The following SMAD5 variants were observed in gnomAD, a reference collection of about 807,000 sequenced individuals.
SMAD5 encodes the protein MAD, mothers against decapentaplegic homolog 5.
Under a neutral mutation model 43.1 loss-of-function variants are expected in SMAD5, and 9 were observed. The ratio of observed to expected loss-of-function variants is 0.21; its 90% CI spans 0.13 to 0.36. The LOEUF is 0.36. SMAD5 is among the 10% of genes least tolerant of loss of function. SMAD5 has a pLI of 1.00. For missense variants in SMAD5, 348 were observed against 574.0 expected (o/e 0.61, Z 4.02); for synonymous variants, 190 against 192.4 (o/e 0.99, Z 0.10).
At chr5:136,143,376 T>G (rs957650928) in intron 1 of SMAD5, among the ~76,000 whole-genome samples, 6 of 151,998 alleles carry the variant, frequency 3.9e-5, no homozygotes, top group African/African-American at 1.4e-4. Flanking sequence ...ACTTGGTCCT[T>G]TGTTGTTGGA....
chr5:136,148,323 T>A lies in SMAD5; in HGVS notation c.-170+417T>A, dbSNP rs531944381. On this transcript the variant is annotated intron_variant, in intron 2 of 7. Coordinates refer to ENST00000545279, the MANE Select transcript of SMAD5 (RefSeq NM_005903.7). ...TTTCAAGGACCTCTGTTAAATTCTT[T>A]GATAGTCAAGTTACTCTTACCCTCC... 1.9e-3 allele frequency among the ~76,000 whole-genome samples: 285 copies of A among 151,792 alleles called. 2 individuals are homozygous for A. The highest frequency in any genetic ancestry group is 9.5e-3 in the East Asian group (49 of 5,168).
intron 1 of SMAD5, among the ~76,000 whole-genome samples, chr5:136,145,203 T>C (rs2149762882): frequency 6.6e-6 from 1 of 151,988 alleles, no homozygotes; most frequent in Admixed American, 6.6e-5. Flanking sequence ...GCAGTTTTGA[T>C]CTAGTTGTCA....
rs764243984 is a variant in SMAD5, at chr5:136,163,335, C to G, written c.719C>G (p.Pro240Arg). 4 of 1,611,070 alleles carry G rather than the reference C, an allele frequency of 2.5e-6. No individual in the cohort carries two copies. Among genetic ancestry groups the G allele is most frequent in the Admixed American group, 1.7e-5 (1 of 59,950 alleles). Residue 240 changes from proline (P) to arginine (R), a missense_variant, in exon 5 of 8, where the codon CCT (proline) becomes CGT (arginine). Coordinates refer to ENST00000545279, the MANE Select transcript of SMAD5 (RefSeq NM_005903.7). ...DDQMGQDNSQ[P>R]MDTSNNMIPQ... ...CAGATGGGTCAAGATAATTCCCAGC[C>G]TATGGATACAAGCAATAATATGATT...
chr5:136,136,430 G>C (rs1276397750), intron 1 of SMAD5, among the ~76,000 whole-genome samples: 1 of 152,142 alleles, frequency 6.6e-6, no homozygotes, highest in Non-Finnish European at 1.5e-5. Context: ...TTCCACTTCT[G>C]AAGTTAATAG....
At chr5:136,163,827 A>G (rs969093739) in intron 5 of SMAD5, among the ~76,000 whole-genome samples, 8 of 152,170 alleles carry the variant, frequency 5.3e-5, no homozygotes, top group South Asian at 2.1e-4. Context: ...CTTTATATAA[A>G]TATATCACAT....
At chr5:136,173,842 C>A (rs1333437999) in intron 6 of SMAD5, among the ~76,000 whole-genome samples, 1 of 151,260 alleles carries the variant, frequency 6.6e-6, no homozygotes, top group African/African-American at 2.4e-5. Context: ...TCACATCTTG[C>A]AAAGGAACAT....
intron 5 of SMAD5, among the ~76,000 whole-genome samples, chr5:136,170,340 T>C (rs994746210): frequency 5.9e-5 from 9 of 151,830 alleles, no homozygotes; most frequent in African/African-American, 1.2e-4. Context: ...TTTGAAAAGA[T>C]TTTTTTTTCT....
Position 136,163,395 on chromosome 5 carries a change from A to G in SMAD5, c.775+4A>G. The G allele has an allele frequency of 6.3e-7, 1 of 1,592,520 alleles. No individual in the cohort carries two copies. Among genetic ancestry groups the G allele is most frequent in the East Asian group, 2.3e-5 (1 of 44,418 alleles). On this transcript the variant is annotated splice_donor_region_variant and intron_variant, in intron 5 of 7. Coordinates refer to ENST00000545279, the MANE Select transcript of SMAD5 (RefSeq NM_005903.7). ...ATGCCCAGTATATCCAGCAGGGGTA[A>G]GAGAAGTACTCACTTCATTTATTTT... is the stretch of plus-strand genomic sequence containing the variant.
At chr5:136,160,314 T>G (rs952851812) in intron 3 of SMAD5, among the ~76,000 whole-genome samples, 1 of 152,180 alleles carries the variant, frequency 6.6e-6, no homozygotes, top group African/African-American at 2.4e-5. Flanking sequence ...GTGGAAGTTT[T>G]TAGGGCATTC....
At chr5:136,165,376 TG>T (rs2149776021) in intron 5 of SMAD5, among the ~76,000 whole-genome samples, 1 of 152,008 alleles carries the variant, frequency 6.6e-6, no homozygotes, top group African/African-American at 2.4e-5. Context: ...TGTTTTTTTT[TG>T]TTTGTTTGTT....
chr5:136,153,553 T>C (rs1226030780), intron 2 of SMAD5, 39 bp from the exon 3 acceptor site: 1 of 469,488 alleles, frequency 2.1e-6, no homozygotes, highest in Admixed American at 3.8e-5. Flanking sequence ...ATATATTGAA[T>C]TGATTTAAAC....
chr5:136,154,276 A>G, intron 3 of SMAD5, 113 bp downstream of exon 3: 1 of 665,200 alleles, frequency 1.5e-6, no homozygotes, highest in Non-Finnish European at 2.3e-6. Flanking sequence ...TTGTGTTTCC[A>G]TCTTAAATAT....
intron 7 of SMAD5, among the ~76,000 whole-genome samples, chr5:136,176,490 C>CG (rs1176099674): frequency 1.4e-5 from 2 of 138,586 alleles, no homozygotes; most frequent in African/African-American, 5.6e-5. Context: ...AAAAGAAACT[C>CG]TGACATGTGA....
intron 1 of SMAD5, chr5:136,134,421 A>T (rs929421187): frequency 6.6e-6 from 1 of 152,258 alleles, no homozygotes; most frequent in African/African-American, 2.4e-5. Context: ...GTTTAGTAAC[A>T]TTCCAAATAG....
At position 136,179,940 on chromosome 5, in the gene SMAD5, G is replaced by A. The variant is rs906772567; in HGVS notation, c.*2460G>A. On this transcript the variant is annotated 3_prime_UTR_variant, in exon 8 of 8. Coordinates refer to ENST00000545279, the MANE Select transcript of SMAD5 (RefSeq NM_005903.7). ...TTAATTAAAAATTGTTTTTATTTGG[G>A]GTCATTATGTCACAGTCTTGAGTTA... 30 of 152,156 alleles carry A rather than the reference G, an allele frequency of 2.0e-4. No individual in the cohort carries two copies. Among genetic ancestry groups the A allele is most frequent in the African/African-American group, 6.7e-4 (28 of 41,510 alleles). 9.4% of individuals were successfully genotyped at this position (152,156 alleles called of 1,614,324 possible). A position where few individuals can be genotyped will look rare whatever the true frequency, so the allele number is the denominator to read the frequency against.
At chr5:136,142,042 C>G (rs1481433875) in intron 1 of SMAD5, among the ~76,000 whole-genome samples, 1 of 152,140 alleles carries the variant, frequency 6.6e-6, no homozygotes, top group Non-Finnish European at 1.5e-5. Context: ...CACCTAACCC[C>G]ACCACCAGAG....
At chr5:136,177,242 A>T in intron 7 of SMAD5, 95 bp from the exon 8 acceptor site, 1 of 1,009,972 alleles carries the variant, frequency 9.9e-7, no homozygotes, top group Non-Finnish European at 1.6e-6. Context: ...ACATATCTCT[A>T]CTGTTAAAAG....
chr5:136,146,377 A>G (rs1448163502), intron 1 of SMAD5, among the ~76,000 whole-genome samples: 3 of 151,784 alleles, frequency 2.0e-5, no homozygotes, highest in Non-Finnish European at 3.0e-5. Flanking sequence ...GAAGAGTATT[A>G]TGGGGTGTTA....
chr5:136,168,969 G>A (rs994786720), intron 5 of SMAD5, among the ~76,000 whole-genome samples: 1 of 152,112 alleles, frequency 6.6e-6, no homozygotes, highest in Non-Finnish European at 1.5e-5. Context: ...ATATATGAAA[G>A]GGAGTTTATT....
Sources: gnomAD v4.1 joint callset for allele counts (sites outside exome capture counted in the v4.1 genomes callset) on GRCh38, gnomAD v4.1.1 for gene constraint, MANE v1.5 for transcripts, NCBI Gene and HGNC (gene_info 2026-07-23, HGNC 2026-07-21) for gene names.